THADA: variants seen among roughly 807,000 people sequenced by gnomAD.
THADA encodes the protein tRNA (32-2'-O)-methyltransferase regulator THADA.
A neutral mutation model predicts 219.8 loss-of-function variants in THADA; 213 were observed. The ratio of observed to expected loss-of-function variants is 0.97; its 90% CI spans 0.87 to 1.09. THADA has a LOEUF of 1.09. Among genes scored for constraint, THADA ranks in the 50% least tolerant of loss-of-function variants. THADA has a pLI of 0.00. For missense variants in THADA, 2,956 were observed against 2,311.3 expected (o/e 1.28, Z -5.72); for synonymous variants, 1,018 against 828.9 (o/e 1.23, Z -3.92).
chr2:43,394,011 A>G (rs936290724), intron 29 of THADA, among the ~76,000 whole-genome samples: 1 of 152,190 alleles, frequency 6.6e-6, no homozygotes, highest in African/African-American at 2.4e-5. Flanking sequence ...TAAGTCCCCA[A>G]CATGAAGAGT....
In THADA at chr2:43,284,648, C is replaced by G. The variant is rs576763541; in HGVS notation, c.5164+2260G>C. 6.6e-5 allele frequency among the ~76,000 whole-genome samples: 10 copies of G among 152,352 alleles called. No homozygotes were observed. The South Asian group carries it at 2.1e-3, about 32-fold the overall frequency. On this transcript the variant is annotated intron_variant, in intron 35 of 37. Transcript: ENST00000405975. The stretch of plus-strand genomic sequence containing the variant: ...GAAATGTGGGGTTAGAGCCCTCACA[C>G]AGAGTTCCCACTGGGGCACTACCTA...
chr2:43,566,840 ATT>A lies in THADA; in HGVS notation c.2188-21_2188-20del. On this transcript the variant is annotated intron_variant, in intron 14 of 37. Coordinates refer to ENST00000405975, the MANE Select transcript of THADA (RefSeq NM_022065.5). ...TGAAATTCTTAAAAAAAAAAAAAAA[ATT>A]ACAGTAAGTATAATTACGTCACAAT... is the stretch of plus-strand genomic sequence containing the variant. The A allele has an allele frequency of 3.6e-6, 5 of 1,397,928 alleles. No individual in the cohort carries two copies. Among genetic ancestry groups the A allele is most frequent in the East Asian group, 2.5e-5 (1 of 39,408 alleles). The allele number at this position is 1,397,928 out of a possible 1,614,324, so 86.6% of individuals were successfully genotyped here. A position where few individuals can be genotyped will look rare whatever the true frequency, so the allele number is the denominator to read the frequency against.
chr2:43,329,162 A>G (rs187600700), intron 30 of THADA, among the ~76,000 whole-genome samples: 1 of 152,316 alleles, frequency 6.6e-6, no homozygotes, highest in East Asian at 1.9e-4. Context: ...CTGCCAGAGT[A>G]ATTGCTGGTT....
At chr2:43,442,682 A>C (rs1210007764) in intron 26 of THADA, among the ~76,000 whole-genome samples, 1 of 151,982 alleles carries the variant, frequency 6.6e-6, no homozygotes, top group Admixed American at 6.6e-5. Flanking sequence ...TGAACAGGAG[A>C]GATATGTTAC....
At chr2:43,434,127 C>T (rs1217935677) in intron 26 of THADA, among the ~76,000 whole-genome samples, 1 of 152,200 alleles carries the variant, frequency 6.6e-6, no homozygotes, top group Non-Finnish European at 1.5e-5. Flanking sequence ...GTAATTAGGA[C>T]TATGAGTACA....
Position 43,425,507 on chromosome 2 carries a change from T to C in THADA, c.4058+2593A>G, listed in dbSNP as rs570530018. Reference sequence around the variant, plus strand: ...GTGTGTGATGGTATTAAATTTAATATCCCAAGTTTAATTTTGCTACTCAAA... The same window carrying C: ...GTGTGTGATGGTATTAAATTTAATACCCCAAGTTTAATTTTGCTACTCAAA... On this transcript the variant is annotated intron_variant, in intron 28 of 37. Coordinates refer to ENST00000405975, the MANE Select transcript of THADA (RefSeq NM_022065.5). 2.6e-5 allele frequency among the ~76,000 whole-genome samples: 4 copies of C among 151,096 alleles called. No homozygotes were observed. The South Asian group carries it at 8.4e-4, about 32-fold the overall frequency.
At chr2:43,299,068 G>GA (rs1276490522) in intron 31 of THADA, among the ~76,000 whole-genome samples, 5 of 151,966 alleles carry the variant, frequency 3.3e-5, no homozygotes, top group Admixed American at 6.5e-5. Flanking sequence ...GTCCCCAAGG[G>GA]AAAAATAAGA....
chr2:43,356,099 A>G (rs1272628567), intron 29 of THADA, among the ~76,000 whole-genome samples: 2 of 152,170 alleles, frequency 1.3e-5, no homozygotes, highest in Non-Finnish European at 2.9e-5. Flanking sequence ...AGAGAACAGA[A>G]GGCCAAGAAA....
Position 43,328,376 on chromosome 2 carries a change from T to C in THADA, c.4344-7836A>G, listed in dbSNP as rs540479835. ...AGGTGTGACGGCAGAGTTGCATTTT[T>C]ATGGTATGCCCCAACATCCATCCTG... On this transcript the variant is annotated intron_variant, in intron 30 of 37. Coordinates refer to ENST00000405975, the MANE Select transcript of THADA (RefSeq NM_022065.5). Among the ~76,000 whole-genome samples, 10 of 152,326 alleles carry C rather than the reference T, an allele frequency of 6.6e-5. No homozygotes were observed. The East Asian group carries it at 1.9e-3, about 29-fold the overall frequency.
intron 13 of THADA, among the ~76,000 whole-genome samples, chr2:43,571,371 C>A (rs1227154250): frequency 1.3e-5 from 2 of 151,736 alleles, no homozygotes; most frequent in Non-Finnish European, 2.9e-5. Context: ...CTGCTTCAGC[C>A]TCCCAAATAG....
rs767683104 is a variant in THADA at position 43,556,450 on chromosome 2, A to T, written c.2569T>A (p.Trp857Arg). Residue 857 changes from tryptophan (W) to arginine (R), a missense_variant, in exon 17 of 38, where the codon TGG (tryptophan) becomes AGG (arginine). Transcript: ENST00000405975. Reference protein sequence around the residue: ...TASYLLNFLIWQDALPSSLSA... With the variant: ...TASYLLNFLIRQDALPSSLSA... The stretch of plus-strand genomic sequence containing the variant: ...AAGGATGACGGTAGAGCATCCTGCC[A>T]GATTAAGAAGTTCAGCAGGTAGGAA... 6.2e-7 allele frequency: 1 copy of T among 1,613,922 alleles called. No homozygotes were observed. The highest frequency in any genetic ancestry group is 8.5e-7 in the Non-Finnish European group (1 of 1,179,860).
In THADA at chr2:43,431,510, G is replaced by C. The variant is rs186636010; in HGVS notation, c.3837-1208C>G. Among the ~76,000 whole-genome samples, 442 of 152,210 alleles carry C rather than the reference G, an allele frequency of 2.9e-3. 3 individuals are homozygous for C. The highest frequency in any genetic ancestry group is 0.01 in the African/African-American group (425 of 41,520). ...AGACGGAGTCTCACTCTGTTGCCCAGGCTGGAGTGCAGTGGTGCGATCTCG... is the reference window on the plus strand; with the variant it reads ...AGACGGAGTCTCACTCTGTTGCCCACGCTGGAGTGCAGTGGTGCGATCTCG... On this transcript the variant is annotated intron_variant, in intron 26 of 37. Coordinates refer to ENST00000405975, the MANE Select transcript of THADA (RefSeq NM_022065.5).
intron 30 of THADA, among the ~76,000 whole-genome samples, chr2:43,323,542 G>C (rs1678993889): frequency 6.6e-6 from 1 of 152,194 alleles, no homozygotes; most frequent in African/African-American, 2.4e-5. Context: ...GCTAAAGCAA[G>C]AGCCATTCAG....
At chr2:43,427,935 G>A (rs1210656368) in intron 28 of THADA, among the ~76,000 whole-genome samples, 165 bp downstream of exon 28, 1 of 149,244 alleles carries the variant, frequency 6.7e-6, no homozygotes, top group South Asian at 2.1e-4. Context: ...CAACCCAGGC[G>A]ACAGAGCGAG....
intron 29 of THADA, among the ~76,000 whole-genome samples, chr2:43,374,598 A>G (rs1205707832): frequency 6.6e-6 from 1 of 152,212 alleles, no homozygotes; most frequent in Non-Finnish European, 1.5e-5. Flanking sequence ...GCAATAAGAA[A>G]TATTTTTAAA....
At chr2:43,445,575 G>C (rs1437811620) in intron 26 of THADA, among the ~76,000 whole-genome samples, 6 of 152,226 alleles carry the variant, frequency 3.9e-5, no homozygotes, top group Non-Finnish European at 8.8e-5. Flanking sequence ...TCCTCCTCGG[G>C]GCCTCTGTTT....
chr2:43,532,552 C>A (rs1338561407), intron 21 of THADA, among the ~76,000 whole-genome samples: 3 of 151,838 alleles, frequency 2.0e-5, no homozygotes, highest in African/African-American at 7.3e-5. Flanking sequence ...AATTCAATAC[C>A]CCTTCATGCT....
intron 26 of THADA, among the ~76,000 whole-genome samples, chr2:43,466,173 T>C (rs1485827019): frequency 6.6e-6 from 1 of 152,236 alleles, no homozygotes; most frequent in African/African-American, 2.4e-5. Context: ...AGCTCTTCAA[T>C]GGATATTCTA....
chr2:43,551,955 C>T (rs371785993), intron 18 of THADA, 30 bp from the exon 19 acceptor site: 500 of 1,580,886 alleles, frequency 3.2e-4, no homozygotes, highest in Admixed American at 1.1e-3. Flanking sequence ...GAAATTTATA[C>T]TAAAAGCAAA....
Sources: allele counts gnomAD v4.1 joint callset (sites outside exome capture counted in the v4.1 genomes callset), GRCh38; gene constraint gnomAD v4.1.1; transcripts MANE v1.5; gene names NCBI Gene and HGNC (gene_info 2026-07-23, HGNC 2026-07-21).